Variants in THADA observed in about 807,000 individuals in gnomAD.
THADA encodes THADA armadillo repeat containing.
A neutral mutation model predicts 219.8 loss-of-function variants in THADA; 213 were observed. The observed-to-expected ratio is 0.97, with a 90% CI of 0.87 to 1.09. The LOEUF (loss-of-function observed/expected upper bound fraction) is 1.09. Among genes scored for constraint, THADA ranks in the 50% least tolerant of loss-of-function variants. The pLI, the probability that THADA is intolerant of heterozygous loss-of-function variation, is 0.00. For synonymous variants in THADA, 1,018 were observed against 828.9 expected (o/e 1.23, Z -3.92); for missense variants, 2,956 against 2,311.3 (o/e 1.28, Z -5.72).
chr2:43,255,386 G>T (rs1572793036), intron 36 of THADA, among the ~76,000 whole-genome samples: 2 of 152,210 alleles, frequency 1.3e-5, no homozygotes, highest in East Asian at 3.8e-4. Context: ...ATTATTAAGG[G>T]ACTGGAGCTG....
intron 26 of THADA, among the ~76,000 whole-genome samples, chr2:43,453,889 G>A (rs1682665288): frequency 6.6e-6 from 1 of 152,162 alleles, no homozygotes; most frequent in Non-Finnish European, 1.5e-5. Context: ...AACATAGCAT[G>A]CACTTTCTAC....
intron 28 of THADA, among the ~76,000 whole-genome samples, chr2:43,404,375 CT>C (rs905817751): frequency 5.0e-3 from 659 of 130,838 alleles, no homozygotes; most frequent in Middle Eastern, 0.016. Context: ...TTTTTCTTTT[CT>C]TTTTTTTTTT....
intron 31 of THADA, among the ~76,000 whole-genome samples, chr2:43,299,755 A>AG (rs1244878031): frequency 6.6e-6 from 1 of 151,866 alleles, no homozygotes; most frequent in East Asian, 1.9e-4. Context: ...GGCTGGGCAC[A>AG]GTGGCTCATG....
At chr2:43,252,858 C>G (rs894232230) in intron 36 of THADA, among the ~76,000 whole-genome samples, 2 of 152,202 alleles carry the variant, frequency 1.3e-5, no homozygotes, top group African/African-American at 4.8e-5. Context: ...TATAAACTCA[C>G]GCTGTTTAAT....
At chr2:43,420,669 G>C (rs779311714) in intron 28 of THADA, among the ~76,000 whole-genome samples, 1 of 152,112 alleles carries the variant, frequency 6.6e-6, no homozygotes, top group Non-Finnish European at 1.5e-5. Flanking sequence ...CATTCCTTCT[G>C]CTCAAAAACA....
chr2:43,352,683 GAGAGAA>G lies in THADA; in HGVS notation c.4228-8452_4228-8447del, dbSNP rs561789101. Among the ~76,000 whole-genome samples the G allele has an allele frequency of 1.3e-4, 20 of 152,150 alleles. No individual in the cohort carries two copies. The East Asian group carries it at 3.3e-3, about 25-fold the overall frequency. ...TGTTATGAGGAGAGGGAGAGGGGGA[GAGAGAA>G]AGAGAAAGAGAGAGAGAGGGTTACT... is the stretch of plus-strand genomic sequence containing the variant. On this transcript the variant is annotated intron_variant, in intron 29 of 37. Transcript: ENST00000405975.
At chr2:43,305,885 T>G (rs1012149975) in intron 31 of THADA, among the ~76,000 whole-genome samples, 5 of 152,120 alleles carry the variant, frequency 3.3e-5, no homozygotes, top group Admixed American at 1.3e-4. Flanking sequence ...ACTTCTGGTT[T>G]CCTTTCCCCT....
chr2:43,517,563 A>G (rs1004353184), intron 22 of THADA, among the ~76,000 whole-genome samples: 2 of 152,184 alleles, frequency 1.3e-5, no homozygotes, highest in African/African-American at 4.8e-5. Context: ...GTGGCAGCTT[A>G]GAAAGGAATA....
At chr2:43,231,440 TCC>T in intron 37 of THADA, 97 bp from the exon 38 acceptor site, 1 of 1,290,920 alleles carries the variant, frequency 7.7e-7, no homozygotes, top group Admixed American at 3.1e-5. Flanking sequence ...AAGAGGGGTT[TCC>T]CTTCCCCCAC....
At chr2:43,514,887 T>TA (rs1432775453) in intron 22 of THADA, among the ~76,000 whole-genome samples, 1,066 of 78,226 alleles carry the variant, frequency 0.014, 209 homozygotes, top group African/African-American at 0.057. Context: ...ATATGTATAA[T>TA]ATATATTTTA....
chr2:43,585,659 C>A (rs1453211012), intron 7 of THADA, among the ~76,000 whole-genome samples: 1 of 151,668 alleles, frequency 6.6e-6, no homozygotes, highest in African/African-American at 2.4e-5. Flanking sequence ...TGAACAAAAC[C>A]AGCAAACAGA....
intron 13 of THADA, among the ~76,000 whole-genome samples, chr2:43,570,853 C>G (rs1558993456): frequency 3.9e-5 from 6 of 151,986 alleles, no homozygotes; most frequent in Admixed American, 3.9e-4. Context: ...TTTTGAGGTG[C>G]TTAAACTATA....
At chr2:43,356,380 G>GT (rs975847075) in intron 29 of THADA, among the ~76,000 whole-genome samples, 12 of 152,046 alleles carry the variant, frequency 7.9e-5, no homozygotes, top group African/African-American at 2.9e-4. Flanking sequence ...AGGTAAAAGT[G>GT]TTTTTTAAAA....
chr2:43,363,022 A>G (rs1401497174), intron 29 of THADA, among the ~76,000 whole-genome samples: 1 of 152,204 alleles, frequency 6.6e-6, no homozygotes, highest in East Asian at 1.9e-4. Context: ...TTCAGAGGCA[A>G]TAACACGCAT....
intron 26 of THADA, among the ~76,000 whole-genome samples, chr2:43,475,422 TAAAAAAAAAAA>T (rs59689521): frequency 7.0e-5 from 7 of 99,578 alleles, no homozygotes; most frequent in Admixed American, 5.7e-4. Flanking sequence ...GGCCCTGTCT[TAAAAAAAAAAA>T]AAAAAAAAAA....
Position 43,279,758 on chromosome 2 carries a change from G to T in THADA, c.5296+7C>A, listed in dbSNP as rs1159602519. 1 of 1,547,158 alleles carries T rather than the reference G, an allele frequency of 6.5e-7. No homozygotes were observed. The highest frequency in any genetic ancestry group is 1.7e-4 in the Middle Eastern group (1 of 5,990). On this transcript the variant is annotated splice_region_variant and intron_variant, in intron 36 of 37. Transcript: ENST00000405975. ...TAAGACAATGCAAAAGGATAAGAAC[G>T]AGGTACCTGTTGACTGGCAGGTATT...
Position 43,398,047 on chromosome 2 carries a change from C to A in THADA, c.4151G>T (p.Arg1384Leu). Reference sequence around the variant, plus strand: ...GCTGGGGAGTGTGGACAACAGAGTTCGAATGGTATTAGGAATGTGATCTAT... The same window carrying A: ...GCTGGGGAGTGTGGACAACAGAGTTAGAATGGTATTAGGAATGTGATCTAT... ...VMIDHIPNTI[R>L]TLLSTLPSCT... The change falls in exon 29 of 38, where the codon CGA (arginine) becomes CTA (leucine). Residue 1384 changes from arginine to leucine, a missense_variant. Transcript: ENST00000405975. 2 of 1,613,912 alleles carry A rather than the reference C, an allele frequency of 1.2e-6. No homozygotes were observed. Among genetic ancestry groups the A allele is most frequent in the Non-Finnish European group, 1.7e-6 (2 of 1,179,858 alleles).
chr2:43,507,874 A>G (rs1333931913), intron 23 of THADA, among the ~76,000 whole-genome samples: 1 of 152,220 alleles, frequency 6.6e-6, no homozygotes, highest in African/African-American at 2.4e-5. Context: ...ATCAATAGCC[A>G]TATCTAAATG....
intron 36 of THADA, among the ~76,000 whole-genome samples, chr2:43,252,613 G>A (rs547684809): frequency 5.1e-4 from 77 of 151,916 alleles, no homozygotes; most frequent in African/African-American, 1.8e-3. Context: ...AATTACCCAC[G>A]CCCCCTACTC....
Sources: allele counts gnomAD v4.1 joint callset (sites outside exome capture counted in the v4.1 genomes callset), GRCh38; gene constraint gnomAD v4.1.1; transcripts MANE v1.5; gene names NCBI Gene and HGNC (gene_info 2026-07-23, HGNC 2026-07-21).